Variants in TIAM1 observed in about 807,000 individuals in gnomAD.
TIAM1 encodes the protein rho guanine nucleotide exchange factor TIAM1.
A neutral mutation model predicts 163.5 loss-of-function variants in TIAM1; 65 were observed. The observed-to-expected ratio is 0.40, with a 90% CI of 0.33 to 0.49. The LOEUF (loss-of-function observed/expected upper bound fraction) is 0.49. Among genes scored for constraint, TIAM1 ranks in the 20% least tolerant of loss-of-function variants. The pLI is 0.77. For synonymous variants in TIAM1, 833 were observed against 810.1 expected (o/e 1.03, Z -0.48); for missense variants, 1,789 against 2,044.7 (o/e 0.87, Z 2.41).
intron 2 of TIAM1, among the ~76,000 whole-genome samples, chr21:31,328,556 A>T (rs928357654): frequency 1.4e-4 from 21 of 148,554 alleles, no homozygotes; most frequent in Admixed American, 2.7e-4. Context: ...TTTTTTTTTT[A>T]TTTTGCTCTA....
intron 2 of TIAM1, among the ~76,000 whole-genome samples, chr21:31,291,997 C>T (rs922042618): frequency 6.6e-6 from 1 of 152,176 alleles, no homozygotes; most frequent in Admixed American, 6.5e-5. Context: ...AGGGTCAAAA[C>T]CTTTCACCCT....
intron 1 of TIAM1, among the ~76,000 whole-genome samples, chr21:31,554,267 C>T (rs2048795424): frequency 6.6e-6 from 1 of 152,152 alleles, no homozygotes; most frequent in South Asian, 2.1e-4. Context: ...CACTGCCTCC[C>T]AATTATATCT....
intron 1 of TIAM1, among the ~76,000 whole-genome samples, chr21:31,491,473 A>G (rs562769682): frequency 1.2e-4 from 18 of 152,380 alleles, no homozygotes; most frequent in African/African-American, 4.1e-4. Flanking sequence ...CCAGCAAGGC[A>G]CAGAGAAGAA....
At chr21:31,327,857 G>A (rs766502388) in intron 2 of TIAM1, among the ~76,000 whole-genome samples, 19 of 151,852 alleles carry the variant, frequency 1.3e-4, no homozygotes, top group Admixed American at 5.2e-4. Flanking sequence ...TCCTCCCAAC[G>A]CAGCTGTCAG....
intron 2 of TIAM1, among the ~76,000 whole-genome samples, chr21:31,406,726 C>T (rs150001921): frequency 1.3e-5 from 2 of 152,096 alleles, no homozygotes; most frequent in African/African-American, 4.8e-5. Flanking sequence ...GTAGAACTTA[C>T]GAGTCACAAA....
chr21:31,365,783 C>G (rs149693927), intron 2 of TIAM1, among the ~76,000 whole-genome samples: 2 of 151,954 alleles, frequency 1.3e-5, no homozygotes, highest in African/African-American at 4.8e-5. Context: ...CCATATTCCC[C>G]AACAACTGCA....
At chr21:31,539,132 A>C (rs1217748968) in intron 1 of TIAM1, among the ~76,000 whole-genome samples, 3 of 152,142 alleles carry the variant, frequency 2.0e-5, no homozygotes, top group Non-Finnish European at 4.4e-5. Flanking sequence ...GAGCACACAC[A>C]CACCACATAC....
intron 2 of TIAM1, among the ~76,000 whole-genome samples, chr21:31,354,765 A>G (rs1477004081): frequency 6.6e-6 from 1 of 151,966 alleles, no homozygotes; most frequent in Non-Finnish European, 1.5e-5. Context: ...TCACCACATC[A>G]CCTAAAACAC....
chr21:31,461,040 T>G (rs1469885809), intron 2 of TIAM1, among the ~76,000 whole-genome samples: 1 of 152,144 alleles, frequency 6.6e-6, no homozygotes, highest in Non-Finnish European at 1.5e-5. Flanking sequence ...AGTCTACGTA[T>G]TTTGAAAGCC....
chr21:31,133,565 A>C (rs2082501661), intron 23 of TIAM1, among the ~76,000 whole-genome samples: 1 of 152,224 alleles, frequency 6.6e-6, no homozygotes, highest in Non-Finnish European at 1.5e-5. Flanking sequence ...CTAAATCCCC[A>C]ACCTCAAAAC....
At chr21:31,144,563 C>T (rs2083015801) in intron 20 of TIAM1, among the ~76,000 whole-genome samples, 1 of 152,034 alleles carries the variant, frequency 6.6e-6, no homozygotes, top group Admixed American at 6.5e-5. Flanking sequence ...CATGGTGGAT[C>T]ACACCTGTAA....
chr21:31,405,493 C>T (rs1602201071), intron 2 of TIAM1, among the ~76,000 whole-genome samples: 1 of 152,232 alleles, frequency 6.6e-6, no homozygotes, highest in East Asian at 1.9e-4. Context: ...TTTCACACTG[C>T]TGATAAAGAC....
Position 31,505,420 on chromosome 21 carries a change from A to C in TIAM1, c.-421-41385T>G, listed in dbSNP as rs1569395049. On this transcript the variant is annotated intron_variant, in intron 1 of 28. Transcript: ENST00000286827. ...CTGGAAACTGGATAAACAAAGAGCAAAGAGAGATCAAGAAAAAAAAAAGTA... is the reference window on the plus strand; with the variant it reads ...CTGGAAACTGGATAAACAAAGAGCACAGAGAGATCAAGAAAAAAAAAAGTA... 2.6e-5 allele frequency among the ~76,000 whole-genome samples: 4 copies of C among 152,224 alleles called. No individual in the cohort carries two copies. In the South Asian group the frequency reaches 8.3e-4, roughly 32 times the overall value.
intron 8 of TIAM1, among the ~76,000 whole-genome samples, chr21:31,220,552 G>T (rs2087500471): frequency 6.6e-6 from 1 of 152,122 alleles, no homozygotes. Context: ...TCCAGACAAA[G>T]ACAGCATGAA....
chr21:31,176,088 G>C (rs2084751114), intron 15 of TIAM1, among the ~76,000 whole-genome samples: 1 of 152,142 alleles, frequency 6.6e-6, no homozygotes, highest in South Asian at 2.1e-4. Context: ...TATGTTTGAT[G>C]GGCACAACTT....
chr21:31,508,089 C>T (rs1352812246), intron 1 of TIAM1, among the ~76,000 whole-genome samples: 1 of 152,190 alleles, frequency 6.6e-6, no homozygotes, highest in South Asian at 2.1e-4. Flanking sequence ...AGGAAGGACG[C>T]AGCTGCACAC....
At chr21:31,298,321 T>G (rs542175261) in intron 2 of TIAM1, among the ~76,000 whole-genome samples, 2 of 152,356 alleles carry the variant, frequency 1.3e-5, no homozygotes, top group South Asian at 4.1e-4. Flanking sequence ...GATTTCACTT[T>G]ATTTAACCTA....
chr21:31,551,743 GA>G (rs2048695041), intron 1 of TIAM1, among the ~76,000 whole-genome samples: 1 of 151,580 alleles, frequency 6.6e-6, no homozygotes, highest in African/African-American at 2.4e-5. Context: ...TCAAAGAAAA[GA>G]AAAAAAGAAC....
At chr21:31,406,859 G>A (rs1406220481) in intron 2 of TIAM1, among the ~76,000 whole-genome samples, 1 of 152,118 alleles carries the variant, frequency 6.6e-6, no homozygotes, top group Admixed American at 6.5e-5. Context: ...TTCACACAAA[G>A]TTTGTGCCAT....
Sources: allele counts gnomAD v4.1 joint callset (sites outside exome capture counted in the v4.1 genomes callset), GRCh38; gene constraint gnomAD v4.1.1; transcripts MANE v1.5; gene names NCBI Gene and HGNC (gene_info 2026-07-23, HGNC 2026-07-21).